KCNH1: variants seen among roughly 807,000 people sequenced by gnomAD.
KCNH1 encodes the protein potassium voltage-gated channel subfamily H member 1.
A neutral mutation model predicts 69.2 loss-of-function variants in KCNH1; 27 were observed. The observed-to-expected ratio is 0.39, with a 90% confidence interval of 0.29 to 0.54. KCNH1 has a LOEUF of 0.54. Ranked by LOEUF, KCNH1 falls within the 20% of genes least tolerant of loss-of-function variation. The probability of loss-of-function intolerance (pLI) is 0.68; values close to 1 mark genes in which losing one functional copy is unlikely to be tolerated. For synonymous variants in KCNH1, 456 were observed against 487.7 expected (o/e 0.93, Z 0.86); for missense variants, 798 against 1,261.6 (o/e 0.63, Z 5.57).
At chr1:210,964,700 GA>G in intron 6 of KCNH1, among the ~76,000 whole-genome samples, 1 of 152,126 alleles carries the variant, frequency 6.6e-6, no homozygotes, top group East Asian at 1.9e-4. Context: ...CATTCCTTCT[GA>G]AACTATTCCA....
chr1:210,849,649 A>G (rs1685640394), intron 7 of KCNH1, among the ~76,000 whole-genome samples: 1 of 151,958 alleles, frequency 6.6e-6, no homozygotes, highest in Non-Finnish European at 1.5e-5. Flanking sequence ...TACAGGCATG[A>G]GCCACTGTGC....
intron 10 of KCNH1, among the ~76,000 whole-genome samples, chr1:210,691,120 T>C (rs115596594): frequency 0.017 from 2,578 of 152,356 alleles, 35 homozygotes; most frequent in Middle Eastern, 0.027. Flanking sequence ...TTGACTTTAA[T>C]AGTTGCTCAG....
intron 7 of KCNH1, among the ~76,000 whole-genome samples, chr1:210,816,349 C>T (rs1469789994): frequency 6.6e-6 from 1 of 152,170 alleles, no homozygotes; most frequent in Non-Finnish European, 1.5e-5. Flanking sequence ...TCTCATCTGT[C>T]GAATAAAACA....
At chr1:210,712,016 A>C (rs1441311895) in intron 10 of KCNH1, among the ~76,000 whole-genome samples, 1 of 152,216 alleles carries the variant, frequency 6.6e-6, no homozygotes, top group African/African-American at 2.4e-5. Context: ...ATCGGCCACC[A>C]GGTGGAATCA....
At chr1:210,876,033 A>G (rs2102501305) in intron 7 of KCNH1, among the ~76,000 whole-genome samples, 1 of 152,260 alleles carries the variant, frequency 6.6e-6, no homozygotes, top group African/African-American at 2.4e-5. Context: ...ATAAAACCCA[A>G]TATTATTAAA....
Position 210,788,685 on chromosome 1 carries a change from C to CTTT in KCNH1, c.1915+8820_1915+8822dup, listed in dbSNP as rs139485350. ...AGATTATTCATATTATAGCTTCTTTCTTTTTTTTTTTTTTTTTTTTTTTTT... is the reference window on the plus strand; with the variant it reads ...AGATTATTCATATTATAGCTTCTTTCTTTTTTTTTTTTTTTTTTTTTTTTTTTT... On this transcript the variant is annotated intron_variant, in intron 9 of 10. Coordinates refer to ENST00000271751, the MANE Select transcript of KCNH1 (RefSeq NM_172362.3). 1.6e-3 allele frequency among the ~76,000 whole-genome samples: 133 copies of CTTT among 80,728 alleles called. 3 individuals carry two copies. The highest frequency in any genetic ancestry group is 2.8e-3 in the East Asian group (7 of 2,530). 53.0% of individuals were successfully genotyped at this position (80,728 alleles called of 152,430 possible).
chr1:210,866,155 C>T (rs114458091), intron 7 of KCNH1, among the ~76,000 whole-genome samples: 1 of 152,248 alleles, frequency 6.6e-6, no homozygotes, highest in African/African-American at 2.4e-5. Flanking sequence ...AACTAATGCT[C>T]TAAAACTCTT....
chr1:210,934,916 G>A (rs568831549), intron 6 of KCNH1, among the ~76,000 whole-genome samples: 7 of 151,968 alleles, frequency 4.6e-5, no homozygotes, highest in African/African-American at 1.7e-4. Flanking sequence ...AGTCACTGTA[G>A]ACAACAGTAA....
chr1:210,982,035 T>C (rs1376395279), intron 6 of KCNH1, among the ~76,000 whole-genome samples: 1 of 151,960 alleles, frequency 6.6e-6, no homozygotes, highest in Non-Finnish European at 1.5e-5. Context: ...CAGGAATCAA[T>C]CAGGCAAGAA....
rs1360154463 is a variant in KCNH1, at chr1:210,922,254, C to A, written c.1033-2185G>T. 2.0e-5 allele frequency among the ~76,000 whole-genome samples: 3 copies of A among 151,686 alleles called. No homozygotes were observed. In the South Asian group the frequency reaches 6.3e-4, roughly 32 times the overall value. On this transcript the variant is annotated intron_variant, in intron 6 of 10. Coordinates refer to ENST00000271751, the MANE Select transcript of KCNH1 (RefSeq NM_172362.3). ...AAACTTAGCCAGGCGTGGTGGCAGG[C>A]GCCTGTGGTCCCAGCTACTTGGGAG... is the stretch of plus-strand genomic sequence containing the variant.
chr1:210,749,239 G>A (rs1172915384), intron 10 of KCNH1, among the ~76,000 whole-genome samples: 1 of 152,144 alleles, frequency 6.6e-6, no homozygotes, highest in Non-Finnish European at 1.5e-5. Flanking sequence ...GGCCACCTCA[G>A]AGCCCAGGCA....
intron 7 of KCNH1, among the ~76,000 whole-genome samples, chr1:210,814,263 CTT>C (rs1383088356): frequency 4.6e-5 from 7 of 152,048 alleles, no homozygotes; most frequent in African/African-American, 1.7e-4. Flanking sequence ...CATTTACTCT[CTT>C]TAAATTTCTT....
intron 6 of KCNH1, among the ~76,000 whole-genome samples, chr1:211,016,229 T>A (rs1407259626): frequency 6.6e-6 from 1 of 152,128 alleles, no homozygotes; most frequent in Admixed American, 6.5e-5. Context: ...ACAGTTGGTT[T>A]GGAAAGAGTT....
chr1:211,065,408 C>T (rs921234082), intron 5 of KCNH1, among the ~76,000 whole-genome samples: 14 of 152,062 alleles, frequency 9.2e-5, no homozygotes, highest in African/African-American at 3.4e-4. Context: ...TGCATGATCT[C>T]GCTTGTATGT....
intron 6 of KCNH1, among the ~76,000 whole-genome samples, chr1:211,005,657 G>A (rs993054579): frequency 1.3e-5 from 2 of 152,030 alleles, no homozygotes; most frequent in East Asian, 1.9e-4. Flanking sequence ...TAAAACTAGC[G>A]GAAGATTATA....
At chr1:210,699,444 C>T (rs997797894) in intron 10 of KCNH1, among the ~76,000 whole-genome samples, 4 of 152,246 alleles carry the variant, frequency 2.6e-5, no homozygotes, top group African/African-American at 9.6e-5. Context: ...GAGAGCCCCA[C>T]TCTGCCGAGG....
At chr1:211,077,747 C>T (rs1690763848) in intron 5 of KCNH1, among the ~76,000 whole-genome samples, 1 of 152,166 alleles carries the variant, frequency 6.6e-6, no homozygotes, top group Non-Finnish European at 1.5e-5. Flanking sequence ...GGATCAAATT[C>T]ACACATAACA....
chr1:211,048,187 T>G (rs953400595), intron 5 of KCNH1, among the ~76,000 whole-genome samples: 1 of 152,156 alleles, frequency 6.6e-6, no homozygotes, highest in African/African-American at 2.4e-5. Context: ...AAATAATAGA[T>G]GTTGGCATGG....
intron 5 of KCNH1, among the ~76,000 whole-genome samples, chr1:211,028,891 A>T (rs895562257): frequency 2.0e-5 from 3 of 152,168 alleles, no homozygotes; most frequent in African/African-American, 7.2e-5. Context: ...AGCAGAGGGA[A>T]CACTTCTCAA....
Sources: gnomAD v4.1 joint callset for allele counts (sites outside exome capture counted in the v4.1 genomes callset) on GRCh38, gnomAD v4.1.1 for gene constraint, MANE v1.5 for transcripts, NCBI Gene and HGNC (gene_info 2026-07-23, HGNC 2026-07-21) for gene names.